The following THAP4 variants were observed in gnomAD, a reference collection of about 807,000 sequenced individuals.
THAP4 encodes THAP domain containing 4, also known as peroxynitrite isomerase THAP4.
THAP4 carries 18 observed loss-of-function variants against 48.1 expected under a neutral mutation model. The observed-to-expected ratio is 0.37, with a 90% confidence interval of 0.26 to 0.56. THAP4 has a LOEUF of 0.56. Among genes scored for constraint, THAP4 ranks in the 20% least tolerant of loss-of-function variants. The probability of loss-of-function intolerance (pLI) is 0.78; values close to 1 mark genes in which losing one functional copy is unlikely to be tolerated. For missense variants in THAP4, 656 were observed against 774.9 expected (o/e 0.85, Z 1.82); for synonymous variants, 345 against 324.9 (o/e 1.06, Z -0.66).
chr2:241,605,837 T>C (rs1156865773), intron 3 of THAP4, among the ~76,000 whole-genome samples: 2 of 151,860 alleles, frequency 1.3e-5, no homozygotes, highest in African/African-American at 4.8e-5. Flanking sequence ...CCCACCTCAG[T>C]TTCTCGAGTA....
chr2:241,632,546 C>T (rs2067578874), intron 2 of THAP4, among the ~76,000 whole-genome samples: 1 of 152,212 alleles, frequency 6.6e-6, no homozygotes, highest in Admixed American at 6.5e-5. Flanking sequence ...TGAGAGTTTA[C>T]TCTCTTATTT....
chr2:241,632,057 G>A (rs1231883492), intron 2 of THAP4, among the ~76,000 whole-genome samples: 1 of 151,550 alleles, frequency 6.6e-6, no homozygotes, highest in Non-Finnish European at 1.5e-5. Flanking sequence ...ACAGGAGTGT[G>A]CCACCATGCC....
chr2:241,625,165 A>G (rs914877226), intron 2 of THAP4, among the ~76,000 whole-genome samples: 2 of 152,118 alleles, frequency 1.3e-5, no homozygotes, highest in African/African-American at 4.8e-5. Flanking sequence ...CCCTAATACC[A>G]AAACACGCAC....
chr2:241,588,193 T>A (rs1258141885), intron 5 of THAP4, among the ~76,000 whole-genome samples: 1 of 152,036 alleles, frequency 6.6e-6, no homozygotes, highest in Non-Finnish European at 1.5e-5. Context: ...AAAAATCATT[T>A]ATAATAGCAT....
chr2:241,625,797 C>CAAAAAAAA (rs147602587), intron 2 of THAP4, among the ~76,000 whole-genome samples: 559 of 50,012 alleles, frequency 0.011, 3 homozygotes, highest in Middle Eastern at 0.019. Context: ...GACTCCGTCT[C>CAAAAAAAA]AAAAAAAAAA....
chr2:241,637,067 C>G lies in THAP4; in HGVS notation c.-50G>C. The G allele has an allele frequency of 2.7e-6, 3 of 1,107,610 alleles. No individual in the cohort carries two copies. Among genetic ancestry groups the G allele is most frequent in the Non-Finnish European group, 3.3e-6 (3 of 902,518 alleles). The allele number at this position is 1,107,610 out of a possible 1,614,324, so 68.6% of individuals were successfully genotyped here. A position where few individuals can be genotyped will look rare whatever the true frequency, so the allele number is the denominator to read the frequency against. On this transcript the variant is annotated 5_prime_UTR_variant, in exon 1 of 6. Transcript: ENST00000407315. ...GCCAGGCCCCGGCCCTAGCCGCCCG[C>G]CCGCCCGCGGACCGCCCCGAGGGAG...
intron 2 of THAP4, among the ~76,000 whole-genome samples, chr2:241,613,530 G>A (rs2067303427): frequency 6.6e-6 from 1 of 152,170 alleles, no homozygotes; most frequent in Non-Finnish European, 1.5e-5. Flanking sequence ...GAGGAGGGTG[G>A]ATTGCCTGAG....
chr2:241,589,435 T>A (rs183053723), intron 5 of THAP4, among the ~76,000 whole-genome samples: 20 of 152,300 alleles, frequency 1.3e-4, no homozygotes, highest in Admixed American at 1.2e-3. Flanking sequence ...AAAATCTGAA[T>A]GTTCATTTCA....
chr2:241,593,797 C>T (rs2067016550), intron 5 of THAP4, among the ~76,000 whole-genome samples: 1 of 152,174 alleles, frequency 6.6e-6, no homozygotes, highest in South Asian at 2.1e-4. Flanking sequence ...AGCGATTCTC[C>T]CACCTCACCC....
chr2:241,617,576 C>T (rs761696560), intron 2 of THAP4: 56 of 1,000,028 alleles, frequency 5.6e-5, no homozygotes, highest in Non-Finnish European at 8.0e-5. Context: ...TATGAAAGAT[C>T]ACGTCTCAGA....
chr2:241,615,290 G>A (rs2125087080), intron 2 of THAP4, among the ~76,000 whole-genome samples: 1 of 152,088 alleles, frequency 6.6e-6, no homozygotes, highest in African/African-American at 2.4e-5. Flanking sequence ...ACTCACCACG[G>A]GAACACCTAG....
In THAP4 at chr2:241,616,749, C is replaced by G. The variant is rs889316890; in HGVS notation, c.1241-10276G>C. ...AGACTGGAAAGGAAGGAGCACGCGG[C>G]TAAGCAACTAGATGGAGGCTTACGG... is the stretch of plus-strand genomic sequence containing the variant. On this transcript the variant is annotated intron_variant, in intron 2 of 5. Coordinates refer to ENST00000407315, the MANE Select transcript of THAP4 (RefSeq NM_015963.6). This position sits in a 1 kb window ranked among gnomAD's most constrained non-coding sequence, Gnocchi z 4.6. 4.6e-5 allele frequency among the ~76,000 whole-genome samples: 7 copies of G among 152,172 alleles called. No homozygotes were observed. Among genetic ancestry groups the G allele is most frequent in the Non-Finnish European group, 1.0e-4 (7 of 68,034 alleles).
intron 2 of THAP4, among the ~76,000 whole-genome samples, chr2:241,606,728 T>C (rs2067188607): frequency 6.6e-6 from 1 of 152,208 alleles, no homozygotes; most frequent in Non-Finnish European, 1.5e-5. Flanking sequence ...CAAAGAGGCC[T>C]ACACTGCTAT....
chr2:241,590,012 T>C (rs367751532), intron 5 of THAP4, among the ~76,000 whole-genome samples: 1 of 96,780 alleles, frequency 1.0e-5, no homozygotes, highest in East Asian at 3.3e-4. Context: ...ACTAGGACAC[T>C]CAGAGCTGCT....
At chr2:241,588,743 G>A (rs1039975440) in intron 5 of THAP4, among the ~76,000 whole-genome samples, 1 of 152,136 alleles carries the variant, frequency 6.6e-6, no homozygotes. Flanking sequence ...TGGAAAAAAC[G>A]TGACTACTAC....
chr2:241,597,200 G>A (rs1361315067), intron 5 of THAP4, among the ~76,000 whole-genome samples: 7 of 152,038 alleles, frequency 4.6e-5, no homozygotes, highest in Non-Finnish European at 1.0e-4. Context: ...GCGCGATCTC[G>A]GCTCACTGCA....
intron 2 of THAP4, among the ~76,000 whole-genome samples, chr2:241,618,453 G>A (rs554006123): frequency 2.6e-5 from 4 of 152,260 alleles, no homozygotes; most frequent in South Asian, 4.1e-4. Flanking sequence ...TTTCCCACAC[G>A]CTAGCAATAA....
chr2:241,594,766 A>G (rs1421489594), intron 5 of THAP4: 1 of 157,916 alleles, frequency 6.3e-6, no homozygotes, highest in African/African-American at 2.4e-5. Flanking sequence ...TTAAAGAAAA[A>G]CCCCAAATCA....
rs1307986963 is a variant in THAP4, at chr2:241,633,021, C to T, written c.1136G>A (p.Arg379Lys). The change falls in exon 2 of 6, where the codon AGG becomes AAG. Residue 379 changes from arginine to lysine, a missense_variant. Coordinates refer to ENST00000407315, the MANE Select transcript of THAP4 (RefSeq NM_015963.6). The surrounding 1 kb of genome is among the most constrained non-coding windows in gnomAD (Gnocchi z 7.5). ...CACCTGGCTGTCGGAGCGGCTGACC[C>T]TCTGCCGCAGGCTCTTCAGCTCGCC... ...KNGELKSLRQ[R>K]VSRSDSQVRK... 1 of 1,613,838 alleles carries T rather than the reference C, an allele frequency of 6.2e-7. No individual in the cohort carries two copies. Among genetic ancestry groups the T allele is most frequent in the Admixed American group, 1.7e-5 (1 of 60,016 alleles).
Sources: allele counts gnomAD v4.1 joint callset (sites outside exome capture counted in the v4.1 genomes callset), GRCh38; gene constraint gnomAD v4.1.1; non-coding constraint Gnocchi (gnomAD v3.1); transcripts MANE v1.5; gene names NCBI Gene and HGNC (gene_info 2026-07-23, HGNC 2026-07-21).